MCF2L: variants seen among roughly 807,000 people sequenced by gnomAD.
MCF2L encodes the protein MCF.2 cell line derived transforming sequence like, also known as guanine nucleotide exchange factor DBS.
In MCF2L, 97 loss-of-function variants were observed where a neutral mutation model predicts 153.4. The observed-to-expected ratio is 0.63, with a 90% CI of 0.54 to 0.75. The LOEUF is 0.75. MCF2L is among the 30% of genes least tolerant of loss of function. The pLI is 0.00. For missense variants in MCF2L, 1,347 were observed against 1,495.2 expected, an observed-to-expected ratio of 0.90 and a Z score of 1.64; for synonymous variants, 659 against 632.2, an observed-to-expected ratio of 1.04 and a Z score of -0.64.
chr13:112,981,277 C>T (rs2140906190), intron 1 of MCF2L, among the ~76,000 whole-genome samples: 1 of 152,348 alleles, frequency 6.6e-6, no homozygotes, highest in East Asian at 1.9e-4. Context: ...GGGTACCACC[C>T]TGTTCCTTGT....
intron 2 of MCF2L, among the ~76,000 whole-genome samples, chr13:112,961,212 C>G (rs2081821825): frequency 6.6e-6 from 1 of 152,178 alleles, no homozygotes; most frequent in Non-Finnish European, 1.5e-5. Flanking sequence ...CTGCATATAC[C>G]AAGTCTTAAA....
chr13:113,051,625 G>T (rs12583269), intron 4 of MCF2L, among the ~76,000 whole-genome samples: 1 of 152,152 alleles, frequency 6.6e-6, no homozygotes, highest in Non-Finnish European at 1.5e-5. Flanking sequence ...TAAAGACCTC[G>T]GAGGCGACAC....
chr13:113,017,632 C>T (rs1373013915), intron 2 of MCF2L, among the ~76,000 whole-genome samples: 1 of 152,198 alleles, frequency 6.6e-6, no homozygotes, highest in Non-Finnish European at 1.5e-5. Context: ...GACAGCTGCC[C>T]TCAAGGGGGC....
intron 2 of MCF2L, among the ~76,000 whole-genome samples, chr13:112,912,972 A>G (rs1157124102): frequency 8.9e-5 from 12 of 134,860 alleles, no homozygotes; most frequent in African/African-American, 2.9e-5. Context: ...GTCTGTATGT[A>G]TGGGGTGTGT....
At chr13:112,989,219 C>T (rs1270078767) in intron 1 of MCF2L, among the ~76,000 whole-genome samples, 2 of 147,114 alleles carry the variant, frequency 1.4e-5, no homozygotes, top group Admixed American at 6.7e-5. Context: ...GCTACCACAC[C>T]GGAGTCCTCC....
chr13:113,042,971 G>C (rs1328014816), intron 3 of MCF2L: 1 of 152,254 alleles, frequency 6.6e-6, no homozygotes, highest in Non-Finnish European at 1.5e-5. Context: ...GTCAGGCTTT[G>C]TTGTTCTGCA....
At chr13:113,013,319 GC>G (rs1393339269) in intron 1 of MCF2L, among the ~76,000 whole-genome samples, 24 of 152,158 alleles carry the variant, frequency 1.6e-4, no homozygotes, top group Admixed American at 1.6e-3. Context: ...CCCTGAGCTC[GC>G]CCTGCAAGGC....
chr13:112,909,409 C>A, intron 2 of MCF2L: 1 of 736,736 alleles, frequency 1.4e-6, no homozygotes, highest in South Asian at 1.5e-5. Context: ...AAGGGGCTGT[C>A]TGCAGGGGTT....
chr13:113,090,601 C>G (rs1300320233), intron 26 of MCF2L: 1 of 985,352 alleles, frequency 1.0e-6, no homozygotes, highest in African/African-American at 1.7e-5. Context: ...ACGGAGACGT[C>G]TAATGCCCTG....
chr13:112,905,853 A>T (rs914833268), intron 2 of MCF2L, among the ~76,000 whole-genome samples: 2 of 152,214 alleles, frequency 1.3e-5, no homozygotes, highest in Admixed American at 1.3e-4. Context: ...ACAGTGTGCA[A>T]ATACCTGTGC....
intron 4 of MCF2L, among the ~76,000 whole-genome samples, chr13:113,050,343 G>T (rs1363075286): frequency 6.6e-6 from 1 of 151,628 alleles, no homozygotes; most frequent in Admixed American, 6.6e-5. Flanking sequence ...TTGGGAATTT[G>T]TAATAGAGTA....
Position 112,985,862 on chromosome 13 carries a change from G to A in MCF2L, c.79+16404G>A, listed in dbSNP as rs567695745. On this transcript the variant is annotated intron_variant, in intron 1 of 29. Transcript: ENST00000535094. ...GCAGGACAGAGACAAGGCCGTGACC[G>A]AACACTTTGCTGGTCCCCTTGACCA... Among the ~76,000 whole-genome samples the A allele has an allele frequency of 2.9e-4, 44 of 152,306 alleles. 1 individual carries two copies. Among genetic ancestry groups the A allele is most frequent in the Middle Eastern group, 3.4e-3 (1 of 294 alleles).
At chr13:112,974,624 T>C (rs1055538122) in intron 1 of MCF2L, among the ~76,000 whole-genome samples, 15 of 152,094 alleles carry the variant, frequency 9.9e-5, no homozygotes, top group African/African-American at 3.6e-4. Context: ...GACTAGTAAA[T>C]ATGAGAGATA....
intron 22 of MCF2L, 73 bp downstream of exon 22, chr13:113,087,529 T>G (rs2034750919): frequency 7.5e-7 from 1 of 1,339,572 alleles, no homozygotes; most frequent in South Asian, 1.4e-5. Context: ...TAACTCGGTC[T>G]GAGGTGGCCA....
intron 2 of MCF2L, among the ~76,000 whole-genome samples, chr13:112,933,461 C>T (rs745674581): frequency 3.3e-5 from 5 of 152,280 alleles, no homozygotes; most frequent in South Asian, 2.1e-4. Context: ...TCGTGCTGCC[C>T]GCCTTCCAAA....
At chr13:113,034,426 C>T (rs1213154790) in intron 3 of MCF2L, among the ~76,000 whole-genome samples, 1 of 152,346 alleles carries the variant, frequency 6.6e-6, no homozygotes, top group East Asian at 1.9e-4. Context: ...CGTGAGCCAC[C>T]ATGCCCGGCC....
At chr13:113,091,641 C>T (rs1371859325) in intron 26 of MCF2L, among the ~76,000 whole-genome samples, 3 of 151,964 alleles carry the variant, frequency 2.0e-5, no homozygotes, top group East Asian at 3.9e-4. Flanking sequence ...CCTCCTTTCC[C>T]GGGGCCAATG....
chr13:112,902,121 C>T (rs370387351), intron 1 of MCF2L: 19 of 1,142,132 alleles, frequency 1.7e-5, no homozygotes, highest in African/African-American at 4.6e-5. Flanking sequence ...CTAGTTATTT[C>T]GGTTTTGTTC....
chr13:113,089,787 G>A, intron 26 of MCF2L, 59 bp downstream of exon 26: 1 of 1,594,860 alleles, frequency 6.3e-7, no homozygotes, highest in Non-Finnish European at 8.6e-7. Flanking sequence ...TGCTCACGGA[G>A]TGCTCACTGC....
Sources: allele counts gnomAD v4.1 joint callset (sites outside exome capture counted in the v4.1 genomes callset), GRCh38; gene constraint gnomAD v4.1.1; transcripts MANE v1.5; gene names NCBI Gene and HGNC (gene_info 2026-07-23, HGNC 2026-07-21).